Variants in SNX29 observed in about 807,000 individuals in gnomAD.
SNX29 encodes the protein sorting nexin 29.
A neutral mutation model predicts 102.1 loss-of-function variants in SNX29; 78 were observed. The ratio of observed to expected loss-of-function variants is 0.76; its 90% confidence interval spans 0.64 to 0.92. SNX29 has a LOEUF of 0.92. SNX29 is among the 40% of genes least tolerant of loss of function. The pLI is 0.00. For missense variants in SNX29, 1,280 were observed against 1,061.7 expected (o/e 1.21, Z -2.86); for synonymous variants, 580 against 414.5 (o/e 1.40, Z -4.85).
intron 19 of SNX29, among the ~76,000 whole-genome samples, chr16:12,511,820 C>T (rs896148639): frequency 6.6e-6 from 1 of 152,014 alleles, no homozygotes; most frequent in Non-Finnish European, 1.5e-5. Context: ...TGGGGCTGAG[C>T]TCAAAACCTC....
At chr16:12,518,591 C>A (rs575199527) in intron 19 of SNX29, among the ~76,000 whole-genome samples, 1 of 152,178 alleles carries the variant, frequency 6.6e-6, no homozygotes, top group African/African-American at 2.4e-5. Flanking sequence ...TTCCTCCCTG[C>A]GAGGTTCCCT....
intron 14 of SNX29, among the ~76,000 whole-genome samples, chr16:12,242,145 C>A (rs1475723853): frequency 6.6e-6 from 1 of 151,844 alleles, no homozygotes; most frequent in African/African-American, 2.4e-5. Flanking sequence ...GTGCTCTTTC[C>A]CAGAAGTTGG....
intron 14 of SNX29, among the ~76,000 whole-genome samples, chr16:12,271,379 C>T (rs77324866): frequency 2.0e-5 from 3 of 152,104 alleles, no homozygotes; most frequent in Non-Finnish European, 2.9e-5. Context: ...GTAGGAAGCT[C>T]GTAAGAATAA....
chr16:12,533,502 C>T (rs1357742079), intron 20 of SNX29, among the ~76,000 whole-genome samples: 1 of 152,218 alleles, frequency 6.6e-6, no homozygotes, highest in South Asian at 2.1e-4. Flanking sequence ...AGACTTGTCA[C>T]ATCAGAGAGC....
chr16:12,153,577 C>G (rs113950940), intron 13 of SNX29, among the ~76,000 whole-genome samples: 32,574 of 151,582 alleles, frequency 0.21, 3,627 homozygotes, highest in Middle Eastern at 0.25. Flanking sequence ...GGGTTCAAGA[C>G]ATTCTCCTGC....
chr16:12,190,765 G>A (rs939783703), intron 13 of SNX29, among the ~76,000 whole-genome samples: 2 of 152,160 alleles, frequency 1.3e-5, no homozygotes, highest in African/African-American at 2.4e-5. Context: ...TGCAAGAGGA[G>A]GGGAGGGGGT....
At chr16:12,176,257 A>G (rs1415614340) in intron 13 of SNX29, among the ~76,000 whole-genome samples, 2 of 152,254 alleles carry the variant, frequency 1.3e-5, no homozygotes, top group African/African-American at 2.4e-5. Flanking sequence ...GCAGACTGAT[A>G]GACATTAGTG....
At chr16:12,551,617 T>TCTGAGGCATCAAC (rs1170213480) in intron 20 of SNX29, among the ~76,000 whole-genome samples, 1 of 152,200 alleles carries the variant, frequency 6.6e-6, no homozygotes, top group African/African-American at 2.4e-5. Context: ...TAGATCTGAG[T>TCTGAGGCATCAAC]CTGAGGCATC....
chr16:12,399,740 G>A (rs983406476), intron 17 of SNX29, among the ~76,000 whole-genome samples: 2 of 152,108 alleles, frequency 1.3e-5, no homozygotes, highest in Admixed American at 6.6e-5. Context: ...CGGGGGTGGC[G>A]GTGGCTGTTA....
chr16:12,240,378 C>T (rs2078065522), intron 14 of SNX29, among the ~76,000 whole-genome samples: 1 of 152,090 alleles, frequency 6.6e-6, no homozygotes, highest in African/African-American at 2.4e-5. Context: ...ATTTTAGTTG[C>T]TAATTTGATT....
At chr16:12,447,205 A>G (rs1005744267) in intron 18 of SNX29, among the ~76,000 whole-genome samples, 4 of 149,010 alleles carry the variant, frequency 2.7e-5, no homozygotes, top group Non-Finnish European at 5.9e-5. Context: ...AAAGTAAAAT[A>G]AATGCTACAG....
At chr16:12,516,331 TTAGCCAGACGTGG>T (rs2089862563) in intron 19 of SNX29, among the ~76,000 whole-genome samples, 1 of 151,938 alleles carries the variant, frequency 6.6e-6, no homozygotes, top group Non-Finnish European at 1.5e-5. Context: ...ACTTTAAAAA[TTAGCCAGACGTGG>T]TGGTGTGCAC....
chr16:12,561,260 G>C (rs985959566), intron 20 of SNX29: 1 of 230,022 alleles, frequency 4.3e-6, no homozygotes, highest in Non-Finnish European at 8.6e-6. Context: ...CCACTCCACA[G>C]ATCCAAGGGG....
chr16:12,540,097 A>G (rs549244393), intron 20 of SNX29, among the ~76,000 whole-genome samples: 1 of 152,256 alleles, frequency 6.6e-6, no homozygotes, highest in South Asian at 2.1e-4. Context: ...GTTAGCCTAA[A>G]CCCAGGTCAT....
At chr16:12,322,492 T>C (rs1292045594) in intron 15 of SNX29, among the ~76,000 whole-genome samples, 2 of 152,218 alleles carry the variant, frequency 1.3e-5, no homozygotes, top group Non-Finnish European at 2.9e-5. Flanking sequence ...GTTACTGCAA[T>C]ATACATTTGT....
At chr16:12,260,394 G>T (rs1005368937) in intron 14 of SNX29, among the ~76,000 whole-genome samples, 2 of 152,100 alleles carry the variant, frequency 1.3e-5, no homozygotes, top group Non-Finnish European at 2.9e-5. Context: ...TTCATCTGTT[G>T]TGCGCCTGGT....
At chr16:12,140,854 C>T (rs1323115530) in intron 13 of SNX29, among the ~76,000 whole-genome samples, 1 of 152,168 alleles carries the variant, frequency 6.6e-6, no homozygotes, top group African/African-American at 2.4e-5. Context: ...GACTCAATAT[C>T]TGTTTTAAAT....
chr16:12,089,367 A>G (rs2052390143), intron 11 of SNX29, among the ~76,000 whole-genome samples: 1 of 152,072 alleles, frequency 6.6e-6, no homozygotes, highest in African/African-American at 2.4e-5. Context: ...CCCAATAGAA[A>G]AAAACCTGCA....
chr16:12,535,420 C>G (rs1341544627), intron 20 of SNX29, among the ~76,000 whole-genome samples: 4 of 152,358 alleles, frequency 2.6e-5, no homozygotes, highest in East Asian at 1.9e-4. Context: ...ACATGAGCCA[C>G]TGCGCCTGGC....
Sources: gnomAD v4.1 joint callset for allele counts (sites outside exome capture counted in the v4.1 genomes callset) on GRCh38, gnomAD v4.1.1 for gene constraint, MANE v1.5 for transcripts, NCBI Gene and HGNC (gene_info 2026-07-23, HGNC 2026-07-21) for gene names.